Variants in SIPA1L1 observed in about 807,000 individuals in gnomAD.
SIPA1L1 encodes the protein signal-induced proliferation-associated 1-like protein 1.
Under a neutral mutation model 162.7 loss-of-function variants are expected in SIPA1L1, and 26 were observed. That is an observed-to-expected ratio of 0.16 (90% confidence interval 0.12 to 0.22). SIPA1L1 has a LOEUF of 0.22. SIPA1L1 is among the 10% of genes least tolerant of loss of function. The pLI, the probability that SIPA1L1 is intolerant of heterozygous loss-of-function variation, is 1.00. For missense variants in SIPA1L1, 1,874 were observed against 2,241.0 expected (o/e 0.84, Z 3.31); for synonymous variants, 829 against 837.4 (o/e 0.99, Z 0.17).
chr14:71,661,172 A>AC, intron 9 of SIPA1L1, 138 bp from the exon 10 acceptor site: 1 of 778,734 alleles, frequency 1.3e-6, no homozygotes, highest in South Asian at 2.0e-5. Context: ...GAAAACATTG[A>AC]CAGTACCTGT....
intron 13 of SIPA1L1, among the ~76,000 whole-genome samples, chr14:71,688,894 T>TCTATG (rs985499513): frequency 5.3e-5 from 8 of 152,212 alleles, no homozygotes; most frequent in African/African-American, 1.9e-4. Flanking sequence ...AGGGAAATTG[T>TCTATG]GTTTAACCAT....
intron 21 of SIPA1L1, among the ~76,000 whole-genome samples, chr14:71,734,567 C>T (rs2085110754): frequency 6.6e-6 from 1 of 151,822 alleles, no homozygotes; most frequent in South Asian, 2.1e-4. Context: ...TTGAAAATTG[C>T]TATTTAGTCA....
At chr14:71,735,163 A>C (rs2085169974) in intron 21 of SIPA1L1, 114 bp from the exon 22 acceptor site, 1 of 715,144 alleles carries the variant, frequency 1.4e-6, no homozygotes, top group Non-Finnish European at 2.5e-6. Context: ...TTTCCAGTGC[A>C]TCCTGCACTG....
At chr14:71,644,583 A>G (rs891810377) in intron 7 of SIPA1L1, among the ~76,000 whole-genome samples, 4 of 152,242 alleles carry the variant, frequency 2.6e-5, no homozygotes, top group Admixed American at 2.6e-4. Context: ...TTCATACAGC[A>G]GTCATTTGGA....
intron 2 of SIPA1L1, among the ~76,000 whole-genome samples, chr14:71,458,745 A>G (rs1433223930): frequency 6.6e-6 from 1 of 152,102 alleles, no homozygotes; most frequent in Non-Finnish European, 1.5e-5. Flanking sequence ...TTGACATTGC[A>G]GTAACCATTT....
At chr14:71,412,878 A>G (rs772526002) in intron 2 of SIPA1L1, among the ~76,000 whole-genome samples, 5 of 152,220 alleles carry the variant, frequency 3.3e-5, no homozygotes, top group Non-Finnish European at 5.9e-5. Context: ...ACTATTGGGC[A>G]TGTGTGTGGG....
At chr14:71,394,234 C>G (rs1425541666) in intron 2 of SIPA1L1, among the ~76,000 whole-genome samples, 1 of 152,178 alleles carries the variant, frequency 6.6e-6, no homozygotes, top group African/African-American at 2.4e-5. Context: ...CTGGCTGATT[C>G]TAATCAAAAT....
intron 17 of SIPA1L1, among the ~76,000 whole-genome samples, chr14:71,722,089 C>T (rs1256719520): frequency 2.0e-5 from 3 of 152,222 alleles, no homozygotes; most frequent in East Asian, 1.9e-4. Context: ...CCCTCTCTGA[C>T]GTGCACAGAT....
At chr14:71,511,528 A>G (rs548054724) in intron 2 of SIPA1L1, among the ~76,000 whole-genome samples, 162 of 152,170 alleles carry the variant, frequency 1.1e-3, no homozygotes, top group African/African-American at 3.6e-3. Context: ...GGCTCAAGCA[A>G]TGTGCCCACT....
At chr14:71,477,976 A>G (rs544416508) in intron 2 of SIPA1L1, among the ~76,000 whole-genome samples, 1 of 152,336 alleles carries the variant, frequency 6.6e-6, no homozygotes, top group African/African-American at 2.4e-5. Context: ...TTACACCAGC[A>G]ATGTATAAAA....
intron 2 of SIPA1L1, among the ~76,000 whole-genome samples, chr14:71,366,674 G>A (rs1426061562): frequency 3.9e-5 from 6 of 151,990 alleles, no homozygotes; most frequent in African/African-American, 7.3e-5. Context: ...CTGATCTCGT[G>A]ATCCACCCGC....
At position 71,377,551 on chromosome 14, in the gene SIPA1L1, C is replaced by T. The variant is rs944837853; in HGVS notation, c.-465+56370C>T. 2.0e-5 allele frequency among the ~76,000 whole-genome samples: 3 copies of T among 152,004 alleles called. No individual in the cohort carries two copies. Among genetic ancestry groups the T allele is most frequent in the Admixed American group, 6.5e-5 (1 of 15,286 alleles). ...CAGACCATGGGCAGCCAGGCAGAGACGCTCCTCACTTCCTACACGGGGTGG... is the reference window on the plus strand; with the variant it reads ...CAGACCATGGGCAGCCAGGCAGAGATGCTCCTCACTTCCTACACGGGGTGG... On this transcript the variant is annotated intron_variant, in intron 2 of 23. Transcript: ENST00000381232. The surrounding 1 kb of genome is among the most constrained non-coding windows in gnomAD (Gnocchi z 4.8).
intron 17 of SIPA1L1, among the ~76,000 whole-genome samples, chr14:71,714,012 G>C (rs1254741031): frequency 6.6e-6 from 1 of 152,028 alleles, no homozygotes; most frequent in Non-Finnish European, 1.5e-5. Context: ...AACAAAACCA[G>C]AACTTCTCTT....
rs1220658672 is a variant in SIPA1L1, at chr14:71,709,251, T to C, written c.3795T>C (p.Ser1265=). Residue 1265 remains serine (S), a synonymous_variant, in exon 17 of 24, where the codon AGT becomes AGC. Transcript: ENST00000381232. The stretch of plus-strand genomic sequence containing the variant: ...ATAGCCACTACTCGAGCCACTCCAG[T>C]AGCAATACTCTCTCCAGCAATGCGT... The part of the protein sequence containing the change: ...HSDSHYSSHS[S]SNTLSSNASS... 2 of 1,613,930 alleles carry C rather than the reference T, an allele frequency of 1.2e-6. No homozygotes were observed. Among genetic ancestry groups the C allele is most frequent in the African/African-American group, 2.7e-5 (2 of 74,940 alleles).
intron 2 of SIPA1L1, among the ~76,000 whole-genome samples, chr14:71,476,873 G>C (rs1455397938): frequency 1.3e-5 from 2 of 151,776 alleles, no homozygotes; most frequent in Non-Finnish European, 2.9e-5. Flanking sequence ...AAGAGAGACG[G>C]GTTTTCACCG....
At chr14:71,466,038 G>A (rs2046968982) in intron 2 of SIPA1L1, among the ~76,000 whole-genome samples, 2 of 152,088 alleles carry the variant, frequency 1.3e-5, no homozygotes, top group African/African-American at 4.8e-5. Context: ...ATCTTTTTTG[G>A]CAGCACCCTC....
At position 71,604,196 on chromosome 14, in the gene SIPA1L1, A is replaced by G. The variant is rs374765569; in HGVS notation, c.1499-14561A>G. ...TATTTTTTTATAGAGATGAGGTTTC[A>G]CCATGTTGCCCTGGCTGGTCTTGAA... On this transcript the variant is annotated intron_variant, in intron 5 of 23. Transcript: ENST00000381232. 2.3e-4 allele frequency among the ~76,000 whole-genome samples: 35 copies of G among 151,608 alleles called. No individual in the cohort carries two copies. The South Asian group carries it at 7.3e-3, about 32-fold the overall frequency.
At chr14:71,427,873 A>G (rs147993283) in intron 2 of SIPA1L1, among the ~76,000 whole-genome samples, 7 of 151,804 alleles carry the variant, frequency 4.6e-5, no homozygotes, top group African/African-American at 1.4e-4. Flanking sequence ...TGTCTAGTAA[A>G]TCTGCCAACA....
intron 2 of SIPA1L1, among the ~76,000 whole-genome samples, chr14:71,342,540 A>G (rs541053351): frequency 1.4e-4 from 21 of 152,380 alleles, no homozygotes; most frequent in Middle Eastern, 3.4e-3. Flanking sequence ...GTGTAAGTTC[A>G]GTCTTGGCTT....
Sources: gnomAD v4.1 joint callset for allele counts (sites outside exome capture counted in the v4.1 genomes callset) on GRCh38, gnomAD v4.1.1 for gene constraint, Gnocchi (gnomAD v3.1) non-coding constraint, MANE v1.5 for transcripts, NCBI Gene and HGNC (gene_info 2026-07-23, HGNC 2026-07-21) for gene names.